Variants in INPP5K observed in about 807,000 individuals in gnomAD.
INPP5K encodes inositol polyphosphate-5-phosphatase K.
INPP5K carries 35 observed loss-of-function variants against 53.5 expected under a neutral mutation model. The ratio of observed to expected loss-of-function variants is 0.65; its 90% CI spans 0.50 to 0.87. The LOEUF (loss-of-function observed/expected upper bound fraction) is 0.87, where lower values mean the gene tolerates loss of function less well. Ranked by LOEUF, INPP5K falls within the 40% of genes least tolerant of loss-of-function variation. The probability of loss-of-function intolerance (pLI) is 0.00; values close to 1 mark genes in which losing one functional copy is unlikely to be tolerated. For synonymous variants in INPP5K, 253 were observed against 232.8 expected, an observed-to-expected ratio of 1.09 and a Z score of -0.79; for missense variants, 550 against 586.2, an observed-to-expected ratio of 0.94 and a Z score of 0.64.
In INPP5K at chr17:1,513,509, T is replaced by G; in HGVS notation, c.205A>C (p.Asn69His). 1 of 1,614,196 alleles carries G rather than the reference T, an allele frequency of 6.2e-7. No individual in the cohort carries two copies. Among genetic ancestry groups the G allele is most frequent in the Non-Finnish European group, 8.5e-7 (1 of 1,180,026 alleles). The change falls in exon 3 of 12, where the codon AAT becomes CAT. Residue 69 changes from asparagine (N) to histidine (H), a missense_variant. Physicochemically the swap from Asn to His is moderately conservative, Grantham distance 68. Transcript: ENST00000421807. Reference sequence around the variant, plus strand: ...ATGAGGAAACTGCTCCACGAGTCATTAAAGGCAGCATCGGAAAGGAGGCTT... The same window carrying G: ...ATGAGGAAACTGCTCCACGAGTCATGAAAGGCAGCATCGGAAAGGAGGCTT... ...IISLLSDAAFNDSWSSFLMDV... is the reference protein window; with the variant it reads ...IISLLSDAAFHDSWSSFLMDV...
intron 7 of INPP5K, 90 bp from the exon 8 acceptor site, chr17:1,498,212 G>T: frequency 8.5e-7 from 1 of 1,170,680 alleles, no homozygotes; most frequent in Non-Finnish European, 1.2e-6. Flanking sequence ...GCTTGCTGGA[G>T]CCCCTAACTC....
At chr17:1,507,145 AC>A in intron 6 of INPP5K, 56 bp from the exon 7 acceptor site, 1 of 1,325,570 alleles carries the variant, frequency 7.5e-7, no homozygotes, top group Non-Finnish European at 1.1e-6. Flanking sequence ...GTGGCCCAGT[AC>A]CACACTCCAT....
chr17:1,501,982 C>T (rs1440235825), intron 7 of INPP5K, among the ~76,000 whole-genome samples: 5 of 150,004 alleles, frequency 3.3e-5, no homozygotes, highest in East Asian at 2.0e-4. Context: ...TTTCAGTGAG[C>T]CAAGATTGCA....
intron 3 of INPP5K, among the ~76,000 whole-genome samples, chr17:1,510,707 G>T (rs1391478089): frequency 2.0e-5 from 3 of 152,150 alleles, no homozygotes; most frequent in Non-Finnish European, 4.4e-5. Flanking sequence ...GCTCGCTGCA[G>T]CCTTGACATC....
At chr17:1,504,336 G>A (rs1386174517) in intron 7 of INPP5K, among the ~76,000 whole-genome samples, 5 of 152,338 alleles carry the variant, frequency 3.3e-5, no homozygotes, top group East Asian at 3.8e-4. Flanking sequence ...CCGGGAAGGC[G>A]TCCTAGGAGA....
chr17:1,499,244 T>C (rs2074942598), intron 7 of INPP5K, among the ~76,000 whole-genome samples: 1 of 152,030 alleles, frequency 6.6e-6, no homozygotes, highest in Non-Finnish European at 1.5e-5. Flanking sequence ...CCGCGCGCGG[T>C]GCTCACGCCT....
At position 1,513,508 on chromosome 17, in the gene INPP5K, T is replaced by C; in HGVS notation, c.206A>G (p.Asn69Ser). 1 of 1,614,194 alleles carries C rather than the reference T, an allele frequency of 6.2e-7. No homozygotes were observed. Among genetic ancestry groups the C allele is most frequent in the Non-Finnish European group, 8.5e-7 (1 of 1,180,036 alleles). ...IISLLSDAAF[N>S]DSWSSFLMDV... ...CATGAGGAAACTGCTCCACGAGTCA[T>C]TAAAGGCAGCATCGGAAAGGAGGCT... Residue 69 changes from asparagine to serine, a missense_variant, in exon 3 of 12, where the codon AAT becomes AGT. Transcript: ENST00000421807.
At position 1,496,348 on chromosome 17, in the gene INPP5K, TG is replaced by T. The variant is rs775485102; in HGVS notation, c.1155del (p.Ser385ArgfsTer9). The T allele has an allele frequency of 1.3e-5, 20 of 1,563,622 alleles. No homozygotes were observed. Among genetic ancestry groups the T allele is most frequent in the Non-Finnish European group, 1.7e-5 (20 of 1,153,458 alleles). On this transcript the variant is annotated frameshift_variant, in exon 10 of 12. Transcript: ENST00000421807. LOFTEE classifies it high-confidence loss of function. ...TTCAGGTTGTCGCTGCAGGAGACCT[TG>T]CTGTCCCCGACCCAGGCATAGGACA... Reference protein sequence around the residue: ...DYVSYAWVGDSKVSCSDNLNQ... With the variant: ...DYVSYAWVGDXKVSCSDNLNQ...
intron 1 of INPP5K, chr17:1,515,895 G>A (rs1567568137): frequency 1.0e-6 from 1 of 985,960 alleles, no homozygotes; most frequent in Non-Finnish European, 1.2e-6. Flanking sequence ...CACTCTAAGA[G>A]GATGGAGAGC....
intron 7 of INPP5K, among the ~76,000 whole-genome samples, chr17:1,500,653 C>G (rs139949135): frequency 6.6e-6 from 1 of 152,102 alleles, no homozygotes; most frequent in Admixed American, 6.5e-5. Flanking sequence ...CGTGAGCCAC[C>G]GCGCCCGGCC....
intron 10 of INPP5K, 45 bp downstream of exon 10, chr17:1,496,274 A>C (rs2074835037): frequency 6.6e-7 from 1 of 1,512,726 alleles, no homozygotes; most frequent in Non-Finnish European, 9.0e-7. Context: ...AGGAGTGCTG[A>C]GGCAGGCCTG....
At chr17:1,497,859 A>G in intron 8 of INPP5K, 77 bp downstream of exon 8, 2 of 1,333,600 alleles carry the variant, frequency 1.5e-6, no homozygotes, top group Non-Finnish European at 2.1e-6. Context: ...TGACATTCGA[A>G]TCCAGGGATG....
intron 8 of INPP5K, among the ~76,000 whole-genome samples, chr17:1,497,101 G>A (rs1383603654): frequency 6.6e-6 from 1 of 152,224 alleles, no homozygotes; most frequent in African/African-American, 2.4e-5. Context: ...CCAGGCAGCT[G>A]CTCTCAGGCC....
chr17:1,508,064 C>A (rs1178290551), intron 6 of INPP5K, 51 bp downstream of exon 6: 2 of 1,250,932 alleles, frequency 1.6e-6, no homozygotes, highest in Admixed American at 1.7e-5. Flanking sequence ...GCTCACATGG[C>A]CCCCACCGTG....
At chr17:1,513,737 C>T in intron 2 of INPP5K, 135 bp downstream of exon 2, 3 of 877,732 alleles carry the variant, frequency 3.4e-6, no homozygotes, top group Non-Finnish European at 5.4e-6. Context: ...GGACCAGAGA[C>T]ATGGGACTGT....
chr17:1,504,232 C>G (rs1456046619), intron 7 of INPP5K, among the ~76,000 whole-genome samples: 2 of 152,216 alleles, frequency 1.3e-5, no homozygotes, highest in African/African-American at 2.4e-5. Flanking sequence ...AAGAAAGGTA[C>G]GCTGTGTCTC....
intron 7 of INPP5K, among the ~76,000 whole-genome samples, chr17:1,500,036 T>C (rs921524315): frequency 2.0e-5 from 3 of 151,830 alleles, no homozygotes; most frequent in African/African-American, 7.3e-5. Flanking sequence ...CAGCTTCAAA[T>C]GCCTGGGCTT....
chr17:1,496,540 G>T, intron 9 of INPP5K, 126 bp downstream of exon 9: 1 of 1,405,352 alleles, frequency 7.1e-7, no homozygotes, highest in South Asian at 1.2e-5. Flanking sequence ...CCAGCCTTTA[G>T]CTACAGAAGA....
At chr17:1,515,943 C>A in intron 1 of INPP5K, 4 of 988,150 alleles carry the variant, frequency 4.0e-6, no homozygotes, top group Non-Finnish European at 4.8e-6. Context: ...TCAAATCCGA[C>A]GATTAGCAGC....
Sources: allele counts gnomAD v4.1 joint callset (sites outside exome capture counted in the v4.1 genomes callset), GRCh38; gene constraint gnomAD v4.1.1; transcripts MANE v1.5; gene names NCBI Gene and HGNC (gene_info 2026-07-23, HGNC 2026-07-21).